Variants in CIMAP1D observed in about 807,000 individuals in gnomAD.
The protein encoded by CIMAP1D is protein CIMAP1D.
At chr19:474,529 CCTG>C in the CIMAP1D span, 1 of 1,265,374 alleles carries the variant, frequency 7.9e-7, no homozygotes, top group Non-Finnish European at 1.0e-6. Context: ...ACTCCTGCCT[CCTG>C]CTGGGCTCCC....
chr19:472,802 TG>T, the CIMAP1D span, among the ~76,000 whole-genome samples: 3 of 144,468 alleles, frequency 2.1e-5, no homozygotes, highest in South Asian at 2.5e-4. Flanking sequence ...AACTGAGGCC[TG>T]AGCCTCCCAG....
the CIMAP1D span, among the ~76,000 whole-genome samples, chr19:487,713 G>A: frequency 6.6e-6 from 1 of 151,748 alleles, no homozygotes; most frequent in Non-Finnish European, 1.5e-5. Context: ...GCTGAGGTCA[G>A]GAGTTCGAGA....
chr19:484,270 A>G, the CIMAP1D span, among the ~76,000 whole-genome samples: 1 of 150,936 alleles, frequency 6.6e-6, no homozygotes, highest in Non-Finnish European at 1.5e-5. Context: ...CCTCCTGAGT[A>G]GCTGGGATTA....
the CIMAP1D span, among the ~76,000 whole-genome samples, chr19:470,586 A>G: frequency 1.3e-5 from 2 of 152,222 alleles, no homozygotes; most frequent in South Asian, 4.1e-4. Flanking sequence ...GACCCCTTGC[A>G]GCTTCCTGAG....
chr19:485,099 G>A, the CIMAP1D span, among the ~76,000 whole-genome samples: 1 of 151,980 alleles, frequency 6.6e-6, no homozygotes, highest in Non-Finnish European at 1.5e-5. Context: ...GAGAGGAGGG[G>A]AGGGTCCTGG....
chr19:467,518 G>C, the CIMAP1D span: 15 of 726,452 alleles, frequency 2.1e-5, no homozygotes, highest in Non-Finnish European at 3.7e-5. Flanking sequence ...CGTGTCCCTT[G>C]GATTTGATCA....
At chr19:474,476 G>T in the CIMAP1D span, 1 of 828,652 alleles carries the variant, frequency 1.2e-6, no homozygotes, top group Non-Finnish European at 1.7e-6. Flanking sequence ...CATCCTGCCG[G>T]AAGGAAAACT....
the CIMAP1D span, chr19:474,697 A>C: frequency 6.4e-7 from 1 of 1,570,158 alleles, no homozygotes; most frequent in Non-Finnish European, 8.6e-7. Context: ...CTCGCCGGCC[A>C]AGGGGGGCTG....
chr19:479,941 G>C, the CIMAP1D span, among the ~76,000 whole-genome samples: 2 of 152,254 alleles, frequency 1.3e-5, no homozygotes, highest in South Asian at 4.2e-4. Flanking sequence ...TTTGTTTCTT[G>C]TTATCATTTT....
chr19:481,023 G>A, the CIMAP1D span, among the ~76,000 whole-genome samples: 1 of 145,192 alleles, frequency 6.9e-6, no homozygotes, highest in Non-Finnish European at 1.5e-5. Context: ...AATGATGATG[G>A]AGAAGGAATG....
chr19:488,673 G>C, the CIMAP1D span, among the ~76,000 whole-genome samples: 2 of 152,226 alleles, frequency 1.3e-5, no homozygotes, highest in African/African-American at 4.8e-5. Context: ...CCCTACTCCA[G>C]AATCCGCGTC....
the CIMAP1D span, among the ~76,000 whole-genome samples, chr19:474,105 G>C: frequency 6.6e-6 from 1 of 152,146 alleles, no homozygotes; most frequent in South Asian, 2.1e-4. Flanking sequence ...CGATGCCACA[G>C]GGATCAGGAG....
the CIMAP1D span, chr19:474,806 C>G: frequency 1.3e-5 from 17 of 1,354,970 alleles, no homozygotes; most frequent in Non-Finnish European, 1.6e-5. Context: ...TTCTGAGCCG[C>G]AGCAGCTCTG....
chr19:464,415 G>A, the CIMAP1D span: 1 of 1,161,670 alleles, frequency 8.6e-7, no homozygotes, highest in South Asian at 1.3e-5. Context: ...CCTGCCCAGA[G>A]ACCCGGCCTG....
At chr19:490,379 G>A in the CIMAP1D span, 2 of 173,104 alleles carry the variant, frequency 1.2e-5, no homozygotes, top group Non-Finnish European at 2.4e-5. Flanking sequence ...AGAAAGAAAC[G>A]TAAAACAAAG....
the CIMAP1D span, among the ~76,000 whole-genome samples, chr19:475,588 G>A: frequency 0.19 from 28,861 of 151,952 alleles, 5,640 homozygotes; most frequent in African/African-American, 0.48. Flanking sequence ...CGAGGACAGC[G>A]GGGAGGTGAG....
chr19:464,229 T>C, the CIMAP1D span: 4 of 1,524,302 alleles, frequency 2.6e-6, no homozygotes, highest in South Asian at 4.9e-5. Flanking sequence ...GGTGTAGGCA[T>C]TAGGGGCAGG....
At chr19:488,500 C>A in the CIMAP1D span, among the ~76,000 whole-genome samples, 8 of 152,196 alleles carry the variant, frequency 5.3e-5, no homozygotes, top group Non-Finnish European at 1.2e-4. Context: ...CCAGCCTGGG[C>A]GACAGAGCGA....
chr19:475,598 G>A, the CIMAP1D span, among the ~76,000 whole-genome samples: 1 of 152,108 alleles, frequency 6.6e-6, no homozygotes, highest in Non-Finnish European at 1.5e-5. Context: ...GGGGAGGTGA[G>A]AGCCGTCCTC....
Sources: allele counts gnomAD v4.1 joint callset (sites outside exome capture counted in the v4.1 genomes callset), GRCh38; gene constraint gnomAD v4.1.1; transcripts MANE v1.5; gene names NCBI Gene and HGNC (gene_info 2026-07-23, HGNC 2026-07-21).